The following MAT2B variants were observed in gnomAD, a reference collection of about 807,000 sequenced individuals.
The protein encoded by MAT2B is methionine adenosyltransferase 2 non-catalytic beta subunit.
Under a neutral mutation model 36.1 loss-of-function variants are expected in MAT2B, and 16 were observed. The ratio of observed to expected loss-of-function variants is 0.44; its 90% CI spans 0.30 to 0.67. The LOEUF is 0.67. MAT2B is among the 30% of genes least tolerant of loss of function. The pLI is 0.09. For missense variants in MAT2B, 332 were observed against 398.2 expected, an observed-to-expected ratio of 0.83 and a Z score of 1.42; for synonymous variants, 148 against 136.9, an observed-to-expected ratio of 1.08 and a Z score of -0.57.
Position 163,514,280 on chromosome 5 carries a change from A to G in MAT2B, c.526+286A>G, listed in dbSNP as rs1194865462. ...CATTTTCAAAAAACAGGGCAGTATA[A>G]TTTCTCTTAGAGTGAGATATTCTGT... On this transcript the variant is annotated intron_variant, in intron 4 of 6. Transcript: ENST00000321757. 3.3e-5 allele frequency among the ~76,000 whole-genome samples: 5 copies of G among 152,322 alleles called. No homozygotes were observed. The East Asian group carries it at 9.6e-4, about 29-fold the overall frequency.
intron 4 of MAT2B, among the ~76,000 whole-genome samples, chr5:163,515,770 C>CTTTTTCTTTTTTTTTTTTTTTTTTTTTT (rs1760121173): frequency 1.4e-5 from 1 of 69,780 alleles, no homozygotes; most frequent in African/African-American, 7.4e-5. Flanking sequence ...TTGCCTTTTT[C>CTTTTTCTTTTTTTTTTTTTTTTTTTTTT]TTTTTTTTTT....
upstream of MAT2B, chr5:163,505,479 C>T: frequency 1.6e-6 from 2 of 1,217,784 alleles, no homozygotes; most frequent in Non-Finnish European, 1.0e-6. Flanking sequence ...GGGCTGGGGG[C>T]AGACCGCGCG....
Position 163,518,285 on chromosome 5 carries a change from A to G in MAT2B, c.927A>G (p.Thr309=), listed in dbSNP as rs1180174190. 3.7e-6 allele frequency: 6 copies of G among 1,613,954 alleles called. No individual in the cohort carries two copies. In the East Asian group the frequency reaches 6.7e-5, roughly 18 times the overall value. Residue 309 remains threonine, a synonymous_variant, in exon 7 of 7, where the codon ACA becomes ACG. Transcript: ENST00000321757. ...AGACCTTGGGCATTGGCCAACGAAC[A>G]CCATTTCGAATTGGAATCAAAGAAT... ...KLETLGIGQR[T]PFRIGIKESL...
upstream of MAT2B, among the ~76,000 whole-genome samples, chr5:163,503,633 A>G (rs1759883021): frequency 1.3e-5 from 2 of 152,222 alleles, no homozygotes. Context: ...GGGCTCAGCT[A>G]AGTCTCACTA....
intron 1 of MAT2B, among the ~76,000 whole-genome samples, chr5:163,508,681 G>C (rs1055436070): frequency 6.7e-6 from 1 of 149,496 alleles, no homozygotes; most frequent in Non-Finnish European, 1.5e-5. Context: ...GCAGTTGTGC[G>C]ATCTCGGCTC....
intron 3 of MAT2B, 50 bp downstream of exon 3, chr5:163,513,719 T>G (rs771051976): frequency 1.9e-6 from 3 of 1,540,748 alleles, no homozygotes; most frequent in Admixed American, 1.8e-5. Flanking sequence ...GATTGCTGAG[T>G]TTTTAGAAAT....
At chr5:163,517,731 G>T in intron 6 of MAT2B, 57 bp downstream of exon 6, 1 of 1,077,430 alleles carries the variant, frequency 9.3e-7, no homozygotes, top group Non-Finnish European at 1.4e-6. Context: ...TATTATTGCT[G>T]TGTTGGGTAA....
chr5:163,512,620 G>T (rs1456095198), intron 2 of MAT2B: 1 of 424,632 alleles, frequency 2.4e-6, no homozygotes, highest in Admixed American at 2.7e-5. Flanking sequence ...TTGCATAAAT[G>T]ATAGCTCTTT....
intron 1 of MAT2B, among the ~76,000 whole-genome samples, chr5:163,510,282 C>T (rs1760016715): frequency 1.3e-5 from 2 of 151,386 alleles, no homozygotes; most frequent in South Asian, 4.2e-4. Flanking sequence ...TAAATTTTTT[C>T]CTAAATAGTG....
upstream of MAT2B, among the ~76,000 whole-genome samples, chr5:163,503,959 G>C (rs1246869686): frequency 6.6e-6 from 1 of 152,112 alleles, no homozygotes; most frequent in South Asian, 2.1e-4. Context: ...CAACTTTTAC[G>C]GGGAAAGTAT....
rs1020800974 is a variant in MAT2B, at chr5:163,518,865, G to A, written c.*502G>A. 2.0e-5 allele frequency: 3 copies of A among 152,656 alleles called. No individual in the cohort carries two copies. Among genetic ancestry groups the A allele is most frequent in the African/African-American group, 7.2e-5 (3 of 41,442 alleles). 9.5% of individuals were successfully genotyped at this position (152,656 alleles called of 1,614,324 possible). A position where few individuals can be genotyped will look rare whatever the true frequency, so the allele number is the denominator to read the frequency against. On this transcript the variant is annotated 3_prime_UTR_variant, in exon 7 of 7. Transcript: ENST00000321757. ...CAAGTTACGTACAGTTTTTATGCTT[G>A]AGATATTTCAACATGTTATGTATAT...
In MAT2B at chr5:163,510,639, T is replaced by C. The variant is rs150759714; in HGVS notation, c.64-1363T>C. ...CTTGAACTCCTGACCTCAGGTGATCTGCCCAGCTTGGCCTCCCAAAGTGCT... is the reference window on the plus strand; with the variant it reads ...CTTGAACTCCTGACCTCAGGTGATCCGCCCAGCTTGGCCTCCCAAAGTGCT... On this transcript the variant is annotated intron_variant, in intron 1 of 6. Coordinates refer to ENST00000321757, the MANE Select transcript of MAT2B (RefSeq NM_013283.5). Among the ~76,000 whole-genome samples, 632 of 152,154 alleles carry C rather than the reference T, an allele frequency of 4.2e-3. 2 individuals are homozygous for C. Among genetic ancestry groups the C allele is most frequent in the African/African-American group, 0.014 (600 of 41,502 alleles).
In MAT2B at chr5:163,516,699, G is replaced by C. The variant is rs1197318049; in HGVS notation, c.708G>C (p.Glu236Asp). 1 of 1,614,052 alleles carries C rather than the reference G, an allele frequency of 6.2e-7. No individual in the cohort carries two copies. The highest frequency in any genetic ancestry group is 8.5e-7 in the Non-Finnish European group (1 of 1,180,050). ...DVATVCRQLAEKRMLDPSIKG... is the reference protein window; with the variant it reads ...DVATVCRQLADKRMLDPSIKG... Reference sequence around the variant, plus strand: ...CCACTGTGTGCCGGCAGCTAGCAGAGAAGAGAATGCTGGTAAGAAGGATTC... The same window carrying C: ...CCACTGTGTGCCGGCAGCTAGCAGACAAGAGAATGCTGGTAAGAAGGATTC... Residue 236 changes from glutamate to aspartate, a missense_variant, in exon 5 of 7, where the codon GAG becomes GAC. Coordinates refer to ENST00000321757, the MANE Select transcript of MAT2B (RefSeq NM_013283.5).
In MAT2B at chr5:163,518,752, T is replaced by G. The variant is rs1374429936; in HGVS notation, c.*389T>G. ...TTTTCATGTTGATTATTTTAAATTG[T>G]GTGAAATAGTATAAAAATCATTGGT... is the stretch of plus-strand genomic sequence containing the variant. On this transcript the variant is annotated 3_prime_UTR_variant, in exon 7 of 7. Coordinates refer to ENST00000321757, the MANE Select transcript of MAT2B (RefSeq NM_013283.5). 1.9e-5 allele frequency: 3 copies of G among 154,860 alleles called. No homozygotes were observed. Among genetic ancestry groups the G allele is most frequent in the African/African-American group, 7.2e-5 (3 of 41,540 alleles). 9.6% of individuals were successfully genotyped at this position (154,860 alleles called of 1,614,324 possible).
At chr5:163,507,629 T>G (rs1344861073) in intron 1 of MAT2B, among the ~76,000 whole-genome samples, 2 of 152,248 alleles carry the variant, frequency 1.3e-5, no homozygotes, top group African/African-American at 4.8e-5. Context: ...TCATTCTGAC[T>G]TTCTTAAAGT....
rs775532444 is a variant in MAT2B, at chr5:163,512,425, T to A, written c.258+229T>A. ...AGACATTTTATAAAATGCTTATGTT[T>A]ATAGAGTGCCTTCTAAGTAATACTT... On this transcript the variant is annotated intron_variant, in intron 2 of 6. Transcript: ENST00000321757. 52 of 556,298 alleles carry A rather than the reference T, an allele frequency of 9.3e-5. 1 individual carries two copies. Among genetic ancestry groups the A allele is most frequent in the Non-Finnish European group, 1.5e-4 (48 of 312,780 alleles). The allele number at this position is 556,298 out of a possible 1,614,324, so 34.5% of individuals were successfully genotyped here.
intron 2 of MAT2B, chr5:163,513,214 C>T (rs763073909): frequency 1.2e-4 from 23 of 193,260 alleles, no homozygotes; most frequent in Admixed American, 9.2e-4. Context: ...TTATCTTGAA[C>T]TCCTGGCCTC....
chr5:163,513,398 G>A (rs1760080748), intron 2 of MAT2B, 157 bp from the exon 3 acceptor site: 3 of 542,886 alleles, frequency 5.5e-6, no homozygotes, highest in South Asian at 2.9e-5. Context: ...GGGAAAAGAA[G>A]CAGCATGACA....
At chr5:163,509,212 G>A (rs79578696) in intron 1 of MAT2B, among the ~76,000 whole-genome samples, 10,754 of 152,168 alleles carry the variant, frequency 0.071, 1,239 homozygotes, top group African/African-American at 0.24. Context: ...ACTTCACAGA[G>A]TCAGTGAAGT....
Sources: gnomAD v4.1 joint callset for allele counts (sites outside exome capture counted in the v4.1 genomes callset) on GRCh38, gnomAD v4.1.1 for gene constraint, MANE v1.5 for transcripts, NCBI Gene and HGNC (gene_info 2026-07-23, HGNC 2026-07-21) for gene names.